BCL7C: variants seen among roughly 807,000 people sequenced by gnomAD.
The protein encoded by BCL7C is BAF chromatin remodeling complex subunit BCL7C, also known as B-cell CLL/lymphoma 7 protein family member C.
Under a neutral mutation model 26.2 loss-of-function variants are expected in BCL7C, and 8 were observed. The observed-to-expected ratio is 0.30, with a 90% CI of 0.18 to 0.55. The LOEUF (loss-of-function observed/expected upper bound fraction) is 0.55, where lower values mean the gene tolerates loss of function less well. Among genes scored for constraint, BCL7C ranks in the 20% least tolerant of loss-of-function variants. BCL7C has a pLI of 0.93. For synonymous variants in BCL7C, 90 were observed against 116.5 expected (o/e 0.77, Z 1.47); for missense variants, 262 against 298.5 (o/e 0.88, Z 0.90).
intron 5 of BCL7C, 185 bp downstream of exon 5, chr16:30,888,675 C>G: frequency 1.8e-6 from 1 of 547,294 alleles, no homozygotes. Context: ...CTGATCCAGC[C>G]CTCAGCACTT....
intron 4 of BCL7C, 49 bp downstream of exon 4, chr16:30,892,537 A>G: frequency 6.6e-7 from 1 of 1,514,002 alleles, no homozygotes; most frequent in Non-Finnish European, 8.8e-7. Context: ...TAGACTCTGG[A>G]GAAGACAGGA....
downstream of BCL7C, among the ~76,000 whole-genome samples, chr16:30,886,174 G>T (rs1190003557): frequency 6.6e-6 from 1 of 151,968 alleles, no homozygotes; most frequent in African/African-American, 2.4e-5. Flanking sequence ...GTTCCAATTT[G>T]GTCCTCTCTG....
intron 4 of BCL7C, among the ~76,000 whole-genome samples, chr16:30,891,379 C>A (rs2055231931): frequency 6.6e-6 from 1 of 151,544 alleles, no homozygotes. Flanking sequence ...GGAGAATTGC[C>A]TGAACCCAGG....
chr16:30,849,417 G>C (rs1328032689), intron 5 of BCL7C, among the ~76,000 whole-genome samples: 4 of 151,716 alleles, frequency 2.6e-5, no homozygotes, highest in African/African-American at 9.7e-5. Flanking sequence ...ATTCTGGTTT[G>C]TCTGATATAT....
intron 5 of BCL7C, among the ~76,000 whole-genome samples, chr16:30,864,057 A>C (rs143313544): frequency 6.6e-6 from 1 of 152,250 alleles, no homozygotes; most frequent in Non-Finnish European, 1.5e-5. Flanking sequence ...ACTCTCTCCT[A>C]GCCGTTTCTA....
intron 5 of BCL7C, among the ~76,000 whole-genome samples, chr16:30,850,623 A>G (rs1035353067): frequency 6.6e-6 from 1 of 152,176 alleles, no homozygotes; most frequent in East Asian, 1.9e-4. Context: ...ACATGATGGT[A>G]AGTATTTGTG....
At position 30,879,703 on chromosome 16, in the gene BCL7C, A is replaced by AAAAAAAAAAAAAAAAAAAAAG. The variant is rs2055012548; in HGVS notation, c.528+9156_528+9157insCTTTTTTTTTTTTTTTTTTTT. 1.4e-5 allele frequency among the ~76,000 whole-genome samples: 2 copies of AAAAAAAAAAAAAAAAAAAAAG among 145,904 alleles called. 1 individual carries two copies. The highest frequency in any genetic ancestry group is 5.0e-5 in the African/African-American group (2 of 40,088). The stretch of plus-strand genomic sequence containing the variant: ...CCCCTTCTCTACAAAAAAAAAAAAA[A>AAAAAAAAAAAAAAAAAAAAAG]AAAAAACTGGGCACGGTGGCTCACA... On this transcript the variant is annotated intron_variant, in intron 5 of 5. Transcript: ENST00000380317.
downstream of BCL7C, among the ~76,000 whole-genome samples, chr16:30,887,015 A>G (rs999496141): frequency 6.6e-6 from 1 of 152,124 alleles, no homozygotes; most frequent in African/African-American, 2.4e-5. Flanking sequence ...TCTACAAAAA[A>G]TAAAATTAGC....
At chr16:30,844,514 C>A (rs1043339651) in intron 5 of BCL7C, among the ~76,000 whole-genome samples, 2 of 152,184 alleles carry the variant, frequency 1.3e-5, no homozygotes, top group Non-Finnish European at 2.9e-5. Flanking sequence ...CGAGATCCAT[C>A]TGACTTCTGC....
chr16:30,887,233 C>G (rs1225354076), downstream of BCL7C, among the ~76,000 whole-genome samples: 1 of 151,886 alleles, frequency 6.6e-6, no homozygotes, highest in Non-Finnish European at 1.5e-5. Context: ...TGCTTGAACC[C>G]AGGAGGCAGA....
At chr16:30,854,860 C>T (rs567396567) in intron 5 of BCL7C, among the ~76,000 whole-genome samples, 1 of 152,160 alleles carries the variant, frequency 6.6e-6, no homozygotes, top group African/African-American at 2.4e-5. Flanking sequence ...TGCCAACATG[C>T]CTGGCTAATG....
At chr16:30,877,592 A>G (rs1382910572) in intron 5 of BCL7C, among the ~76,000 whole-genome samples, 1 of 151,410 alleles carries the variant, frequency 6.6e-6, no homozygotes, top group African/African-American at 2.4e-5. Context: ...GGCACCCGCC[A>G]CCGCGCCCAG....
intron 5 of BCL7C, among the ~76,000 whole-genome samples, chr16:30,881,184 G>C (rs2055037487): frequency 6.6e-6 from 1 of 152,134 alleles, no homozygotes; most frequent in African/African-American, 2.4e-5. Flanking sequence ...ATCACCTGAG[G>C]TCAGGAGTTC....
chr16:30,837,507 C>T (rs2054577387), intron 5 of BCL7C, among the ~76,000 whole-genome samples: 1 of 151,988 alleles, frequency 6.6e-6, no homozygotes, highest in South Asian at 2.1e-4. Flanking sequence ...ACCACCACGC[C>T]CAGCTAATTT....
Position 30,834,813 on chromosome 16 carries a change from G to A in BCL7C, c.*135C>T, listed in dbSNP as rs11864054. 0.61 allele frequency: 533,983 copies of A among 869,962 alleles called. 173,954 individuals are homozygous for A. The highest frequency in any genetic ancestry group is 0.92 in the African/African-American group (54,080 of 58,712). 53.9% of individuals were successfully genotyped at this position (869,962 alleles called of 1,614,324 possible). On this transcript the variant is annotated 3_prime_UTR_variant, in exon 6 of 6. Transcript: ENST00000380317. This position sits in a 1 kb window ranked among gnomAD's most constrained non-coding sequence, Gnocchi z 4.3. ...TGTGGCCTTAGGTTCGGGCAGGTGTGGGGCCGCTCGCCCTCCGATGTTACC... is the reference window on the plus strand; with the variant it reads ...TGTGGCCTTAGGTTCGGGCAGGTGTAGGGCCGCTCGCCCTCCGATGTTACC...
chr16:30,875,801 GC>G (rs1206909811), intron 5 of BCL7C: 1 of 152,176 alleles, frequency 6.6e-6, no homozygotes, highest in Non-Finnish European at 1.5e-5. Context: ...TTCCCATACT[GC>G]TTTTAAGGCC....
intron 5 of BCL7C, among the ~76,000 whole-genome samples, chr16:30,839,001 G>C (rs2054586209): frequency 6.6e-6 from 1 of 152,234 alleles, no homozygotes; most frequent in African/African-American, 2.4e-5. Flanking sequence ...GGGTGGGCAA[G>C]TGGTTGCAAA....
intron 4 of BCL7C, among the ~76,000 whole-genome samples, chr16:30,889,802 TG>T (rs1246216528): frequency 6.6e-6 from 1 of 151,456 alleles, no homozygotes; most frequent in Non-Finnish European, 1.5e-5. Context: ...TAGCTGAGCA[TG>T]GTGATGCATG....
At chr16:30,860,482 T>C (rs1272735763) in intron 5 of BCL7C, among the ~76,000 whole-genome samples, 1 of 152,216 alleles carries the variant, frequency 6.6e-6, no homozygotes, top group South Asian at 2.1e-4. Flanking sequence ...CTTTAGCCTG[T>C]GTTCTCAAAA....
Sources: gnomAD v4.1 joint callset for allele counts (sites outside exome capture counted in the v4.1 genomes callset) on GRCh38, gnomAD v4.1.1 for gene constraint, Gnocchi (gnomAD v3.1) non-coding constraint, MANE v1.5 for transcripts, NCBI Gene and HGNC (gene_info 2026-07-23, HGNC 2026-07-21) for gene names.